The following PCMT1 variants were observed in gnomAD, a reference collection of about 807,000 sequenced individuals.
PCMT1 encodes the protein protein-L-isoaspartate (D-aspartate) O-methyltransferase, also known as protein-L-isoaspartate(D-aspartate) O-methyltransferase.
A neutral mutation model predicts 29.2 loss-of-function variants in PCMT1; 9 were observed. The ratio of observed to expected loss-of-function variants is 0.31; its 90% CI spans 0.19 to 0.54. The LOEUF (loss-of-function observed/expected upper bound fraction) is 0.54. Ranked by LOEUF, PCMT1 falls within the 20% of genes least tolerant of loss-of-function variation. PCMT1 has a pLI of 0.95. For synonymous variants in PCMT1, 98 were observed against 97.5 expected (o/e 1.00, Z -0.03); for missense variants, 184 against 282.2 (o/e 0.65, Z 2.49).
chr6:149,777,562 A>G (rs896248312), intron 3 of PCMT1, among the ~76,000 whole-genome samples: 6 of 152,236 alleles, frequency 3.9e-5, no homozygotes, highest in African/African-American at 1.2e-4. Flanking sequence ...AGAATGAAAC[A>G]GTATAAAAGT....
intron 1 of PCMT1, among the ~76,000 whole-genome samples, chr6:149,766,792 TCTC>T (rs1235299303): frequency 1.3e-5 from 2 of 152,164 alleles, no homozygotes; most frequent in Admixed American, 6.5e-5. Flanking sequence ...TCTCCTCCCT[TCTC>T]CTATCCTCTA....
intron 1 of PCMT1, among the ~76,000 whole-genome samples, chr6:149,768,511 G>A (rs1787183975): frequency 7.0e-6 from 1 of 141,986 alleles, no homozygotes; most frequent in African/African-American, 2.7e-5. Flanking sequence ...GAGCGCAGTG[G>A]CATGATCTTG....
At chr6:149,778,656 G>GCCTC (rs1251825400) in intron 3 of PCMT1, among the ~76,000 whole-genome samples, 24 of 152,092 alleles carry the variant, frequency 1.6e-4, no homozygotes, top group Admixed American at 1.1e-3. Context: ...TCCCACCTTA[G>GCCTC]CCTCCTGAGT....
intron 4 of PCMT1, among the ~76,000 whole-genome samples, chr6:149,792,560 T>C (rs1295379410): frequency 6.6e-6 from 1 of 152,170 alleles, no homozygotes; most frequent in Non-Finnish European, 1.5e-5. Flanking sequence ...TCATCCAGGC[T>C]GGAGTGCAGT....
chr6:149,783,985 A>G (rs1481731486), intron 3 of PCMT1, among the ~76,000 whole-genome samples: 1 of 152,250 alleles, frequency 6.6e-6, no homozygotes, highest in African/African-American at 2.4e-5. Flanking sequence ...ATAAGTCACC[A>G]TGCCTTGCCA....
At chr6:149,760,258 T>C (rs1786681274) in intron 1 of PCMT1, among the ~76,000 whole-genome samples, 1 of 152,134 alleles carries the variant, frequency 6.6e-6, no homozygotes, top group Admixed American at 6.5e-5. Context: ...TCCAATCCTG[T>C]TCTGCAGGCT....
intron 1 of PCMT1, among the ~76,000 whole-genome samples, chr6:149,753,882 TCCTGAATCA>T (rs1344204810): frequency 6.6e-6 from 1 of 152,192 alleles, no homozygotes; most frequent in African/African-American, 2.4e-5. Flanking sequence ...CTTCAAAATC[TCCTGAATCA>T]CCTGGAGAGC....
intron 3 of PCMT1, among the ~76,000 whole-genome samples, chr6:149,783,406 G>A (rs1583034390): frequency 6.6e-6 from 1 of 152,012 alleles, no homozygotes; most frequent in African/African-American, 2.4e-5. Context: ...GCTGGGATAA[G>A]AGGCATAAGC....
intron 5 of PCMT1, chr6:149,795,879 T>C (rs770537985): frequency 1.3e-4 from 24 of 184,792 alleles, no homozygotes; most frequent in Non-Finnish European, 2.2e-4. Context: ...GGATGAGATT[T>C]AAAACAGAAC....
intron 7 of PCMT1, among the ~76,000 whole-genome samples, chr6:149,805,471 C>A (rs900890231): frequency 2.0e-5 from 3 of 151,000 alleles, no homozygotes; most frequent in Non-Finnish European, 3.0e-5. Context: ...GCAGGTACCT[C>A]TAGTCCCAGC....
chr6:149,805,549 G>A lies in PCMT1; in HGVS notation c.*37+3133G>A, dbSNP rs138233626. Reference sequence around the variant, plus strand: ...GCCGAGCTTGCAGTGAGCTGAGATCGCGCCATTGCACTCCAGCCTGGGCAA... The same window carrying A: ...GCCGAGCTTGCAGTGAGCTGAGATCACGCCATTGCACTCCAGCCTGGGCAA... On this transcript the variant is annotated intron_variant, in intron 7 of 7. Transcript: ENST00000464889. Among the ~76,000 whole-genome samples the A allele has an allele frequency of 2.6e-3, 402 of 151,958 alleles. 1 individual carries two copies. Among genetic ancestry groups the A allele is most frequent in the African/African-American group, 8.9e-3 (370 of 41,432 alleles).
chr6:149,769,508 T>C (rs923625532), intron 1 of PCMT1, among the ~76,000 whole-genome samples: 7 of 151,514 alleles, frequency 4.6e-5, no homozygotes, highest in African/African-American at 1.5e-4. Context: ...GAGATGGGGT[T>C]TCACCATGTT....
intron 7 of PCMT1, among the ~76,000 whole-genome samples, chr6:149,806,999 G>A (rs551697726): frequency 7.2e-5 from 11 of 152,274 alleles, no homozygotes; most frequent in South Asian, 2.1e-4. Flanking sequence ...AGCTAATTGC[G>A]GTGCTCTGAT....
At chr6:149,757,321 T>A (rs1562395035) in intron 1 of PCMT1, among the ~76,000 whole-genome samples, 1 of 152,166 alleles carries the variant, frequency 6.6e-6, no homozygotes, top group Non-Finnish European at 1.5e-5. Flanking sequence ...TAGATCTTGA[T>A]GCTTGGCTGT....
chr6:149,770,391 G>C (rs1196939188), intron 1 of PCMT1, among the ~76,000 whole-genome samples: 1 of 152,044 alleles, frequency 6.6e-6, no homozygotes, highest in Non-Finnish European at 1.5e-5. Context: ...TATCCTTCTA[G>C]TTTTCTGTGT....
chr6:149,789,309 C>T (rs1471517298), intron 3 of PCMT1, among the ~76,000 whole-genome samples: 1 of 151,932 alleles, frequency 6.6e-6, no homozygotes, highest in African/African-American at 2.4e-5. Flanking sequence ...AACTCCTGAC[C>T]TCGTGATCTA....
At chr6:149,785,378 A>T in intron 3 of PCMT1, among the ~76,000 whole-genome samples, 1 of 138,210 alleles carries the variant, frequency 7.2e-6, no homozygotes, top group Non-Finnish European at 1.6e-5. Flanking sequence ...TTTTTAATTT[A>T]AATGTGGTAT....
intron 3 of PCMT1, among the ~76,000 whole-genome samples, chr6:149,781,043 T>A (rs1787791292): frequency 6.6e-6 from 1 of 152,122 alleles, no homozygotes; most frequent in Admixed American, 6.6e-5. Flanking sequence ...ATTTTATCCA[T>A]CCTAGTGACT....
rs139332916 is a variant in PCMT1, at chr6:149,793,642, C to T, written c.391C>T (p.Leu131=). 2.6e-5 allele frequency: 40 copies of T among 1,564,842 alleles called. No individual in the cohort carries two copies. The African/African-American group carries it at 3.9e-4, about 15-fold the overall frequency. The part of the protein sequence containing the change: ...NNVRKDDPTL[L]SSGRVQLVVG... Reference sequence around the variant, plus strand: ...TGTCAGGAAGGACGATCCAACACTTCTGTCTTCAGGGAGAGTACAGCTTGT... The same window carrying T: ...TGTCAGGAAGGACGATCCAACACTTTTGTCTTCAGGGAGAGTACAGCTTGT... Residue 131 remains leucine (L), a synonymous_variant, in exon 5 of 8, where the codon CTG becomes TTG. Coordinates refer to ENST00000464889, the MANE Select transcript of PCMT1 (RefSeq NM_001360452.2).
Sources: allele counts gnomAD v4.1 joint callset (sites outside exome capture counted in the v4.1 genomes callset), GRCh38; gene constraint gnomAD v4.1.1; transcripts MANE v1.5; gene names NCBI Gene and HGNC (gene_info 2026-07-23, HGNC 2026-07-21).